STAC: variants seen among roughly 807,000 people sequenced by gnomAD.
STAC encodes the protein SH3 and cysteine rich domain.
STAC carries 43 observed loss-of-function variants against 48.8 expected under a neutral mutation model. The observed-to-expected ratio is 0.88, with a 90% CI of 0.69 to 1.14. The LOEUF (loss-of-function observed/expected upper bound fraction) is 1.14. Among genes scored for constraint, STAC ranks in the 50% most tolerant of loss-of-function variants. The probability of loss-of-function intolerance (pLI) is 0.00; values close to 1 mark genes in which losing one functional copy is unlikely to be tolerated. For missense variants in STAC, 497 were observed against 504.0 expected, an observed-to-expected ratio of 0.99 and a Z score of 0.13; for synonymous variants, 193 against 179.5, an observed-to-expected ratio of 1.07 and a Z score of -0.60.
intron 10 of STAC, among the ~76,000 whole-genome samples, chr3:36,533,542 G>A (rs1203963088): frequency 2.4e-5 from 1 of 41,908 alleles, no homozygotes; most frequent in East Asian, 7.7e-4. Context: ...GTCAAACATT[G>A]TTTTTATGTT....
intron 2 of STAC, among the ~76,000 whole-genome samples, chr3:36,477,685 T>C (rs1290361255): frequency 6.6e-6 from 1 of 152,224 alleles, no homozygotes; most frequent in Admixed American, 6.5e-5. Context: ...CTAATCAGTG[T>C]TGTATTGGAT....
chr3:36,409,926 G>A (rs1700156476), intron 1 of STAC, among the ~76,000 whole-genome samples: 1 of 152,158 alleles, frequency 6.6e-6, no homozygotes, highest in South Asian at 2.1e-4. Flanking sequence ...TTAGCAGTAG[G>A]TCTCTACAAG....
At chr3:36,404,463 G>A (rs1050850358) in intron 1 of STAC, among the ~76,000 whole-genome samples, 3 of 152,120 alleles carry the variant, frequency 2.0e-5, no homozygotes, top group African/African-American at 7.2e-5. Context: ...ATTACCAGCT[G>A]ATAATAGCAC....
At chr3:36,442,801 C>G (rs189726445) in intron 1 of STAC, among the ~76,000 whole-genome samples, 1,356 of 129,872 alleles carry the variant, frequency 0.01, 15 homozygotes, top group Non-Finnish European at 0.017. Flanking sequence ...CACACACACA[C>G]AGAGGTTACT....
At chr3:36,482,056 A>C (rs1697662746) in intron 2 of STAC, among the ~76,000 whole-genome samples, 1 of 152,222 alleles carries the variant, frequency 6.6e-6, no homozygotes, top group African/African-American at 2.4e-5. Flanking sequence ...TGGTCATCTA[A>C]GAGTGGCAAA....
Position 36,472,231 on chromosome 3 carries a change from C to G in STAC, c.389-10761C>G, listed in dbSNP as rs574838694. On this transcript the variant is annotated intron_variant, in intron 2 of 10. Coordinates refer to ENST00000273183, the MANE Select transcript of STAC (RefSeq NM_003149.3). ...CAAGCTCTACATTGGCCCCTTTCAG[C>G]CATGGCTGGAGTGACTGGGACACAG... Among the ~76,000 whole-genome samples the G allele has an allele frequency of 5.3e-5, 8 of 152,346 alleles. No individual in the cohort carries two copies. In the South Asian group the frequency reaches 1.7e-3, roughly 32 times the overall value.
rs149306783 is a variant in STAC at position 36,503,125 on chromosome 3, C to G, written c.767-1268C>G. Among the ~76,000 whole-genome samples the G allele has an allele frequency of 2.0e-5, 3 of 152,136 alleles. No homozygotes were observed. The East Asian group carries it at 5.8e-4, about 29-fold the overall frequency. The stretch of plus-strand genomic sequence containing the variant: ...CCTCTACTGACATTTCTTTGATAAT[C>G]TGAAGGGAAATCAAAGAGAAGAATA... On this transcript the variant is annotated intron_variant, in intron 6 of 10. Transcript: ENST00000273183.
chr3:36,398,090 A>T (rs1455848806), intron 1 of STAC, among the ~76,000 whole-genome samples: 1 of 151,976 alleles, frequency 6.6e-6, no homozygotes, highest in Non-Finnish European at 1.5e-5. Context: ...GCCTGGTTGG[A>T]CAGCTAAATG....
chr3:36,418,982 G>A (rs1700383793), intron 1 of STAC, among the ~76,000 whole-genome samples: 3 of 151,282 alleles, frequency 2.0e-5, no homozygotes, highest in African/African-American at 7.3e-5. Flanking sequence ...GAGAGGCGGA[G>A]GTTGCAGTGA....
At chr3:36,475,079 C>A (rs1337506009) in intron 2 of STAC, among the ~76,000 whole-genome samples, 7 of 148,422 alleles carry the variant, frequency 4.7e-5, no homozygotes, top group Non-Finnish European at 1.0e-4. Context: ...TGATTTTTTC[C>A]TCAATTCATT....
chr3:36,453,103 A>G (rs78612495), intron 2 of STAC, among the ~76,000 whole-genome samples: 3,825 of 152,374 alleles, frequency 0.025, 72 homozygotes, highest in Middle Eastern at 0.061. Context: ...GTTTATCTCA[A>G]TGACTTTGGT....
At chr3:36,518,358 C>T (rs1024708943) in intron 8 of STAC, among the ~76,000 whole-genome samples, 3 of 151,866 alleles carry the variant, frequency 2.0e-5, no homozygotes, top group South Asian at 2.1e-4. Context: ...AAATCATTTT[C>T]GTTTTTATTA....
intron 10 of STAC, among the ~76,000 whole-genome samples, chr3:36,541,030 CAGAGAACCAAAT>C (rs1179604242): frequency 1.3e-5 from 2 of 152,140 alleles, no homozygotes; most frequent in Non-Finnish European, 2.9e-5. Context: ...ATCCTCTGGT[CAGAGAACCAAAT>C]TCTTCCACAT....
chr3:36,522,635 T>C (rs190921236), intron 8 of STAC, among the ~76,000 whole-genome samples: 1 of 152,350 alleles, frequency 6.6e-6, no homozygotes, highest in East Asian at 1.9e-4. Flanking sequence ...CTCCTTTTCT[T>C]TGAATTTTAA....
chr3:36,475,553 T>C (rs1359480740), intron 2 of STAC, among the ~76,000 whole-genome samples: 1 of 152,176 alleles, frequency 6.6e-6, no homozygotes, highest in Non-Finnish European at 1.5e-5. Flanking sequence ...CTGGGTTATA[T>C]ATGTGAGGTA....
At chr3:36,460,976 TC>T (rs1248099469) in intron 2 of STAC, among the ~76,000 whole-genome samples, 1 of 152,104 alleles carries the variant, frequency 6.6e-6, no homozygotes, top group Admixed American at 6.5e-5. Context: ...GAAAATATGC[TC>T]ACTATGGAAA....
chr3:36,485,961 G>A, intron 4 of STAC, 173 bp from the exon 5 acceptor site: 1 of 587,650 alleles, frequency 1.7e-6, no homozygotes, highest in Admixed American at 2.9e-5. Context: ...AGCATGCTGG[G>A]TGGGGGTGCA....
intron 6 of STAC, among the ~76,000 whole-genome samples, chr3:36,499,035 A>G (rs73067877): frequency 0.15 from 22,995 of 152,240 alleles, 1,920 homozygotes; most frequent in African/African-American, 0.2. Context: ...TGCTGAAAGA[A>G]AAGTGATTCT....
At chr3:36,471,723 A>T (rs974593277) in intron 2 of STAC, among the ~76,000 whole-genome samples, 4 of 152,202 alleles carry the variant, frequency 2.6e-5, no homozygotes, top group Admixed American at 1.3e-4. Context: ...TTTGACTCCA[A>T]GTCTCATATC....
Sources: allele counts gnomAD v4.1 joint callset (sites outside exome capture counted in the v4.1 genomes callset), GRCh38; gene constraint gnomAD v4.1.1; transcripts MANE v1.5; gene names NCBI Gene and HGNC (gene_info 2026-07-23, HGNC 2026-07-21).